Variants in CEP63 observed in about 807,000 individuals in gnomAD.
The protein encoded by CEP63 is centrosomal protein 63.
A neutral mutation model predicts 89.1 loss-of-function variants in CEP63; 84 were observed. The observed-to-expected ratio is 0.94, with a 90% CI of 0.79 to 1.13. CEP63 has a LOEUF of 1.13. Ranked by LOEUF, CEP63 falls within the 50% of genes most tolerant of loss-of-function variation. The probability of loss-of-function intolerance (pLI) is 0.00; values close to 1 mark genes in which losing one functional copy is unlikely to be tolerated. For synonymous variants in CEP63, 267 were observed against 272.5 expected (o/e 0.98, Z 0.20); for missense variants, 838 against 813.3 (o/e 1.03, Z -0.37).
At chr3:134,628,457 G>C in the CEP63 span, among the ~76,000 whole-genome samples, 1 of 152,204 alleles carries the variant, frequency 6.6e-6, no homozygotes, top group Admixed American at 6.5e-5. Flanking sequence ...GTTGAAGGTG[G>C]GGATGCCAAG....
chr3:134,637,905 G>A, the CEP63 span, among the ~76,000 whole-genome samples: 25 of 152,308 alleles, frequency 1.6e-4, no homozygotes, highest in African/African-American at 5.3e-4. Context: ...TTCGGAGCAC[G>A]GCCCTGGCCC....
At chr3:134,628,868 T>C in the CEP63 span, among the ~76,000 whole-genome samples, 1 of 152,196 alleles carries the variant, frequency 6.6e-6, no homozygotes, top group East Asian at 1.9e-4. Flanking sequence ...CTCTTTACAG[T>C]AGACTACTTT....
In CEP63 at chr3:134,561,765, A is replaced by G; in HGVS notation, c.*230A>G. Reference sequence around the variant, plus strand: ...AGTTGAAAGAATAAACCACTTTGCTAGACTTTTTTCTCATACGAATATTTA... The same window carrying G: ...AGTTGAAAGAATAAACCACTTTGCTGGACTTTTTTCTCATACGAATATTTA... On this transcript the variant is annotated 3_prime_UTR_variant, in exon 15 of 15. Transcript: ENST00000675561. 2 of 1,343,086 alleles carry G rather than the reference A, an allele frequency of 1.5e-6. No individual in the cohort carries two copies. Among genetic ancestry groups the G allele is most frequent in the Non-Finnish European group, 9.5e-7 (1 of 1,047,266 alleles). 83.2% of individuals were successfully genotyped at this position (1,343,086 alleles called of 1,614,324 possible).
downstream of CEP63, among the ~76,000 whole-genome samples, chr3:134,577,975 G>C (rs1309364108): frequency 6.6e-6 from 1 of 152,170 alleles, no homozygotes; most frequent in African/African-American, 2.4e-5. Flanking sequence ...TGGCTGCATA[G>C]TATTCCATGG....
At chr3:134,747,854 C>T in the CEP63 span, among the ~76,000 whole-genome samples, 8 of 152,134 alleles carry the variant, frequency 5.3e-5, no homozygotes, top group African/African-American at 9.7e-5. Flanking sequence ...GGCATGATCT[C>T]GGCTCACTGC....
the CEP63 span, among the ~76,000 whole-genome samples, chr3:134,599,258 G>GT: frequency 2.0e-5 from 3 of 152,224 alleles, no homozygotes. Context: ...GTGGAAGACT[G>GT]TTTCTTCTGA....
the CEP63 span, among the ~76,000 whole-genome samples, chr3:134,647,070 G>A: frequency 2.6e-5 from 4 of 152,330 alleles, no homozygotes; most frequent in South Asian, 2.1e-4. Context: ...CAAGGCAGAC[G>A]ACTATCCTCT....
chr3:134,647,474 C>T, the CEP63 span: 2 of 1,612,258 alleles, frequency 1.2e-6, no homozygotes, highest in East Asian at 2.2e-5. Flanking sequence ...CATCTTCGGA[C>T]TCCATTTCCA....
At chr3:134,525,691 T>A (rs1948502122) in intron 3 of CEP63, among the ~76,000 whole-genome samples, 1 of 152,248 alleles carries the variant, frequency 6.6e-6, no homozygotes, top group South Asian at 2.1e-4. Context: ...TGGTGCTTCC[T>A]TCAGAGCTTA....
At chr3:134,637,836 G>A in the CEP63 span, among the ~76,000 whole-genome samples, 3 of 152,212 alleles carry the variant, frequency 2.0e-5, no homozygotes, top group Admixed American at 6.5e-5. Flanking sequence ...GAGTGATCAA[G>A]GTGAAAAACA....
chr3:134,733,557 C>G, the CEP63 span, among the ~76,000 whole-genome samples: 1 of 151,884 alleles, frequency 6.6e-6, no homozygotes, highest in East Asian at 1.9e-4. Flanking sequence ...TAGGGTGGGC[C>G]CTTAACCCAA....
At chr3:134,594,957 G>T in the CEP63 span, among the ~76,000 whole-genome samples, 1 of 152,304 alleles carries the variant, frequency 6.6e-6, no homozygotes, top group East Asian at 1.9e-4. Flanking sequence ...GCTCAGGTGA[G>T]GTCAGGAGGC....
the CEP63 span, among the ~76,000 whole-genome samples, chr3:134,596,690 C>A: frequency 6.6e-6 from 1 of 152,156 alleles, no homozygotes; most frequent in Non-Finnish European, 1.5e-5. Context: ...ACTTGCCAAG[C>A]GTTTACCAAA....
intron 2 of CEP63, among the ~76,000 whole-genome samples, chr3:134,503,100 C>CTTTTTTTTTTTTTTTTT (rs34673408): frequency 4.6e-4 from 42 of 92,008 alleles, no homozygotes; most frequent in East Asian, 7.4e-4. Context: ...TGATTTCAAT[C>CTTTTTTTTTTTTTTTTT]TTTTTTTTTT....
the CEP63 span, chr3:134,608,886 G>T: frequency 6.4e-7 from 1 of 1,565,774 alleles, no homozygotes; most frequent in Non-Finnish European, 8.7e-7. Context: ...TGCAGGGGAG[G>T]CAGGGGCCCA....
In CEP63 at chr3:134,562,013, C is replaced by G. The variant is rs1957392449; in HGVS notation, c.*478C>G. ...CTTGTTATTTACTGGGCTGGTAGCC[C>G]CTCCTAGCCAAGGGGCTGGTAGTGT... On this transcript the variant is annotated 3_prime_UTR_variant, in exon 15 of 15. Transcript: ENST00000675561. The G allele has an allele frequency of 3.9e-6, 4 of 1,012,854 alleles. No homozygotes were observed. The highest frequency in any genetic ancestry group is 1.7e-5 in the African/African-American group (1 of 57,402). 62.7% of individuals were successfully genotyped at this position (1,012,854 alleles called of 1,614,324 possible). A position where few individuals can be genotyped will look rare whatever the true frequency, so the allele number is the denominator to read the frequency against.
At chr3:134,517,053 C>T (rs1946408585) in intron 3 of CEP63, among the ~76,000 whole-genome samples, 1 of 152,206 alleles carries the variant, frequency 6.6e-6, no homozygotes, top group African/African-American at 2.4e-5. Flanking sequence ...AAGATTCCAT[C>T]TGGTTCCTTA....
At chr3:134,602,448 T>C in the CEP63 span, among the ~76,000 whole-genome samples, 3 of 152,032 alleles carry the variant, frequency 2.0e-5, no homozygotes, top group Admixed American at 6.5e-5. Context: ...GGAGACGGGA[T>C]AGGATGTTTT....
the CEP63 span, among the ~76,000 whole-genome samples, chr3:134,620,205 T>C: frequency 6.6e-6 from 1 of 152,106 alleles, no homozygotes; most frequent in Non-Finnish European, 1.5e-5. Flanking sequence ...TGGAGAGCTG[T>C]GGGCAGCTGC....
Sources: gnomAD v4.1 joint callset for allele counts (sites outside exome capture counted in the v4.1 genomes callset) on GRCh38, gnomAD v4.1.1 for gene constraint, MANE v1.5 for transcripts, NCBI Gene and HGNC (gene_info 2026-07-23, HGNC 2026-07-21) for gene names.